Variants in LRCH1 observed in about 807,000 individuals in gnomAD.
LRCH1 encodes leucine rich repeats and calponin homology domain containing 1.
In LRCH1, 23 loss-of-function variants were observed where a neutral mutation model predicts 94.9. That is an observed-to-expected ratio of 0.24 (90% CI 0.17 to 0.34). The LOEUF is 0.34. LRCH1 is among the 10% of genes least tolerant of loss of function. The probability of loss-of-function intolerance (pLI) is 1.00; values close to 1 mark genes in which losing one functional copy is unlikely to be tolerated. For missense variants in LRCH1, 790 were observed against 945.9 expected (o/e 0.84, Z 2.16); for synonymous variants, 364 against 354.9 (o/e 1.03, Z -0.29).
intron 1 of LRCH1, among the ~76,000 whole-genome samples, chr13:46,584,450 A>G (rs777698343): frequency 4.6e-5 from 7 of 152,186 alleles, no homozygotes; most frequent in African/African-American, 7.2e-5. Flanking sequence ...TGCACATTAC[A>G]GTTTGAAGAG....
chr13:46,599,984 A>AG (rs1337586527), intron 1 of LRCH1, among the ~76,000 whole-genome samples: 10 of 152,196 alleles, frequency 6.6e-5, no homozygotes, highest in African/African-American at 1.4e-4. Flanking sequence ...ACCGATCTTA[A>AG]TTTTTTTATT....
chr13:46,707,522 T>C (rs969984580), intron 13 of LRCH1, among the ~76,000 whole-genome samples: 1 of 152,208 alleles, frequency 6.6e-6, no homozygotes, highest in Non-Finnish European at 1.5e-5. Context: ...GACAAGATAG[T>C]TCAAGACCAT....
chr13:46,589,131 G>A (rs572964045), intron 1 of LRCH1, among the ~76,000 whole-genome samples: 1 of 152,080 alleles, frequency 6.6e-6, no homozygotes, highest in South Asian at 2.1e-4. Flanking sequence ...CGAACTTCTG[G>A]GCTCAACTAA....
chr13:46,680,365 G>A (rs1593347724), intron 3 of LRCH1, among the ~76,000 whole-genome samples: 3 of 152,280 alleles, frequency 2.0e-5, no homozygotes, highest in South Asian at 4.2e-4. Flanking sequence ...TCCCACCCAG[G>A]AGCTCATAGG....
At chr13:46,570,237 G>A (rs932241541) in intron 1 of LRCH1, among the ~76,000 whole-genome samples, 4 of 152,110 alleles carry the variant, frequency 2.6e-5, no homozygotes, top group East Asian at 1.9e-4. Context: ...ACTGGGATTC[G>A]GTTTGACTTG....
chr13:46,736,049 A>G (rs1307324367), intron 19 of LRCH1, among the ~76,000 whole-genome samples: 1 of 151,640 alleles, frequency 6.6e-6, no homozygotes, highest in East Asian at 1.9e-4. Context: ...CGCCTGCCTC[A>G]GCCTCCCAAA....
chr13:46,705,336 G>C, intron 13 of LRCH1, 32 bp downstream of exon 13: 1 of 1,604,646 alleles, frequency 6.2e-7, no homozygotes, highest in Non-Finnish European at 8.5e-7. Flanking sequence ...CCAGAACTCT[G>C]TGCAATATTT....
At chr13:46,556,362 C>T (rs2050065544) in intron 1 of LRCH1, among the ~76,000 whole-genome samples, 1 of 152,194 alleles carries the variant, frequency 6.6e-6, no homozygotes, top group South Asian at 2.1e-4. Flanking sequence ...AGTGCATATA[C>T]TTTATTGATA....
chr13:46,637,203 G>A (rs539635374), intron 1 of LRCH1, among the ~76,000 whole-genome samples: 17 of 152,274 alleles, frequency 1.1e-4, no homozygotes, highest in African/African-American at 3.9e-4. Flanking sequence ...ACTTTCAAAA[G>A]ATACAACCTG....
chr13:46,612,863 G>A (rs1331199999), intron 1 of LRCH1, among the ~76,000 whole-genome samples: 2 of 151,966 alleles, frequency 1.3e-5, no homozygotes, highest in Non-Finnish European at 2.9e-5. Flanking sequence ...TTATACATTG[G>A]CCAATTAGGA....
chr13:46,652,616 G>A (rs1350732306), intron 2 of LRCH1, among the ~76,000 whole-genome samples: 1 of 152,096 alleles, frequency 6.6e-6, no homozygotes, highest in East Asian at 1.9e-4. Flanking sequence ...GGTGCAGCAA[G>A]CATAAGTGTC....
At chr13:46,623,897 C>T (rs1461153454) in intron 1 of LRCH1, among the ~76,000 whole-genome samples, 1 of 119,012 alleles carries the variant, frequency 8.4e-6, no homozygotes, top group East Asian at 2.9e-4. Context: ...ATTTATTTAT[C>T]GTTAGAGACA....
At chr13:46,611,616 C>T (rs2050748498) in intron 1 of LRCH1, among the ~76,000 whole-genome samples, 1 of 151,954 alleles carries the variant, frequency 6.6e-6, no homozygotes, top group African/African-American at 2.4e-5. Flanking sequence ...TAAAAGATTT[C>T]CAGTAAAAAT....
intron 3 of LRCH1, among the ~76,000 whole-genome samples, chr13:46,675,738 G>A (rs911544341): frequency 1.2e-4 from 18 of 152,226 alleles, no homozygotes; most frequent in African/African-American, 4.3e-4. Context: ...GTCTCTGGAG[G>A]CGCCTCCTAA....
chr13:46,571,699 A>G (rs1376150764), intron 1 of LRCH1, among the ~76,000 whole-genome samples: 5 of 152,336 alleles, frequency 3.3e-5, no homozygotes, highest in Admixed American at 1.3e-4. Flanking sequence ...TTGGAGTCCA[A>G]CAGACCAAGG....
At chr13:46,697,164 C>G (rs1256314205) in intron 9 of LRCH1, among the ~76,000 whole-genome samples, 1 of 152,180 alleles carries the variant, frequency 6.6e-6, no homozygotes. Context: ...TTATTCACAG[C>G]AGTTATGTTG....
intron 13 of LRCH1, among the ~76,000 whole-genome samples, chr13:46,709,596 C>T (rs573046038): frequency 1.4e-4 from 21 of 152,078 alleles, no homozygotes; most frequent in African/African-American, 3.1e-4. Context: ...GTTTTAAAAA[C>T]GCATATATAC....
chr13:46,677,255 CAAAAAAAAA>C (rs67827727), intron 3 of LRCH1, among the ~76,000 whole-genome samples: 32 of 98,078 alleles, frequency 3.3e-4, no homozygotes, highest in African/African-American at 1.1e-3. Flanking sequence ...ACTAAAAATA[CAAAAAAAAA>C]AAAAAAAAAA....
At chr13:46,611,381 G>C (rs1474001761) in intron 1 of LRCH1, among the ~76,000 whole-genome samples, 3 of 152,160 alleles carry the variant, frequency 2.0e-5, no homozygotes, top group Non-Finnish European at 4.4e-5. Flanking sequence ...ACAGCAGGGT[G>C]GTGTTCAAGC....
Sources: allele counts gnomAD v4.1 joint callset (sites outside exome capture counted in the v4.1 genomes callset), GRCh38; gene constraint gnomAD v4.1.1; transcripts MANE v1.5; gene names NCBI Gene and HGNC (gene_info 2026-07-23, HGNC 2026-07-21).